CATSPERD: variants seen among roughly 807,000 people sequenced by gnomAD.
The protein encoded by CATSPERD is cation channel sperm-associated auxiliary subunit delta.
A neutral mutation model predicts 98.1 loss-of-function variants in CATSPERD; 86 were observed. That is an observed-to-expected ratio of 0.88 (90% confidence interval 0.74 to 1.05). CATSPERD has a LOEUF of 1.05. CATSPERD is among the 50% of genes least tolerant of loss of function. The pLI is 0.00. For synonymous variants in CATSPERD, 394 were observed against 390.2 expected (o/e 1.01, Z -0.12); for missense variants, 995 against 1,005.7 (o/e 0.99, Z 0.14).
In CATSPERD at chr19:5,742,547, C is replaced by T. The variant is rs374748101; in HGVS notation, c.574-1880C>T. Among the ~76,000 whole-genome samples the T allele has an allele frequency of 1.7e-4, 26 of 151,906 alleles. No homozygotes were observed. The East Asian group carries it at 3.9e-3, about 23-fold the overall frequency. On this transcript the variant is annotated intron_variant, in intron 7 of 21. Coordinates refer to ENST00000381624, the MANE Select transcript of CATSPERD (RefSeq NM_152784.4). ...CTGTAATCCCAGCACTTTGGGAGGC[C>T]GAGGAAGGAGGATCACTTGAGCTCA... is the stretch of plus-strand genomic sequence containing the variant.
intron 3 of CATSPERD, 104 bp from the exon 4 acceptor site, chr19:5,729,768 A>C: frequency 1.5e-6 from 1 of 660,718 alleles, no homozygotes; most frequent in Non-Finnish European, 2.6e-6. Context: ...CCTGGTTACA[A>C]TACAAATTTT....
chr19:5,768,164 G>C lies in CATSPERD; in HGVS notation c.1560-4G>C, dbSNP rs780850389. The C allele has an allele frequency of 4.7e-5, 75 of 1,612,544 alleles. No homozygotes were observed. The highest frequency in any genetic ancestry group is 6.1e-5 in the Non-Finnish European group (72 of 1,179,112). On this transcript the variant is annotated splice_region_variant and splice_polypyrimidine_tract_variant and intron_variant, in intron 17 of 21. Coordinates refer to ENST00000381624, the MANE Select transcript of CATSPERD (RefSeq NM_152784.4). The stretch of plus-strand genomic sequence containing the variant: ...CATTGCTCAATGTCCACTTTTGCTT[G>C]CAGCAAAGTTTCCGCCTGTTCCATG...
intron 2 of CATSPERD, among the ~76,000 whole-genome samples, 160 bp from the exon 3 acceptor site, chr19:5,727,108 T>C (rs192954673): frequency 3.9e-5 from 6 of 152,162 alleles, no homozygotes; most frequent in African/African-American, 1.4e-4. Flanking sequence ...GGCAGGAGAA[T>C]GGTGTGAACC....
intron 18 of CATSPERD, among the ~76,000 whole-genome samples, chr19:5,768,574 G>C (rs576745132): frequency 6.6e-6 from 1 of 151,972 alleles, no homozygotes; most frequent in South Asian, 2.1e-4. Flanking sequence ...CTGATCTCGT[G>C]ATCCGCCCAC....
chr19:5,759,120 G>A lies in CATSPERD; in HGVS notation c.1403G>A (p.Arg468Lys). The change falls in exon 15 of 22, where the codon AGG becomes AAG. Residue 468 changes from arginine (R) to lysine (K), a missense_variant. By Grantham distance (26) the Arg-to-Lys change is conservative. Transcript: ENST00000381624. Reference sequence around the variant, plus strand: ...CTAAAACAGCAGCAGCACTGGGGCAGGACCGACTCCAACTTCACTTCCAGG... The same window carrying A: ...CTAAAACAGCAGCAGCACTGGGGCAAGACCGACTCCAACTTCACTTCCAGG... ...IFLKQQQHWG[R>K]TDSNFTSSLK... 1 of 1,613,922 alleles carries A rather than the reference G, an allele frequency of 6.2e-7. No homozygotes were observed.
At chr19:5,738,742 C>G (rs909597386) in intron 6 of CATSPERD, among the ~76,000 whole-genome samples, 1 of 152,056 alleles carries the variant, frequency 6.6e-6, no homozygotes, top group African/African-American at 2.4e-5. Context: ...CAGCACCACG[C>G]CTGGCTAATT....
At chr19:5,761,772 G>A (rs1226124216) in intron 15 of CATSPERD, among the ~76,000 whole-genome samples, 2 of 150,010 alleles carry the variant, frequency 1.3e-5, no homozygotes, top group Admixed American at 6.7e-5. Context: ...GCACGATCTC[G>A]GCTCACTGCA....
In CATSPERD at chr19:5,778,502, C is replaced by A. The variant is rs1365148387; in HGVS notation, c.2223C>A (p.Tyr741Ter). 1 of 1,613,934 alleles carries A rather than the reference C, an allele frequency of 6.2e-7. No individual in the cohort carries two copies. Among genetic ancestry groups the A allele is most frequent in the African/African-American group, 1.3e-5 (1 of 74,922 alleles). The stretch of plus-strand genomic sequence containing the variant: ...TCCTGGGGTCCGTTTGGCTGGCCTA[C>A]AAGACCCCCAAGCTGCTACGCACAG... ...SSILGSVWLA[Y>*]KTPKLLRTAR... is the part of the protein sequence containing the mutation. Residue 741 changes from tyrosine (Y) to a stop codon, truncating the protein, a stop_gained, in exon 22 of 22, where the codon TAC becomes TAA. Coordinates refer to ENST00000381624, the MANE Select transcript of CATSPERD (RefSeq NM_152784.4). LOFTEE classifies it low-confidence loss of function (END_TRUNC).
chr19:5,744,503 A>G lies in CATSPERD; in HGVS notation c.650A>G (p.Gln217Arg), dbSNP rs1269334124. 2 of 1,611,270 alleles carry G rather than the reference A, an allele frequency of 1.2e-6. No individual in the cohort carries two copies. Among genetic ancestry groups the G allele is most frequent in the Non-Finnish European group, 1.7e-6 (2 of 1,178,132 alleles). The change falls in exon 8 of 22, where the codon CAA becomes CGA. Residue 217 changes from glutamine to arginine, a missense_variant. This residue lies in a region of CATSPERD where 762 missense variants were observed against 773.7 expected (regional missense o/e 0.98). Transcript: ENST00000381624. ...CAGGTTGCGATGCTTGTAGTGAATCAAGGGAAGGTAAGTAACTGCAGAGGG... is the reference window on the plus strand; with the variant it reads ...CAGGTTGCGATGCTTGTAGTGAATCGAGGGAAGGTAAGTAACTGCAGAGGG... ...LSQVAMLVVN[Q>R]GKGMFKYSDH...
chr19:5,768,799 C>T lies in CATSPERD; in HGVS notation c.1634+557C>T, dbSNP rs1161220566. ...CCGGCTCAGTGAGCATGTACTGCCA[C>T]GCCCATACGAGAGTCTGGGCCTCAG... On this transcript the variant is annotated intron_variant, in intron 18 of 21. Coordinates refer to ENST00000381624, the MANE Select transcript of CATSPERD (RefSeq NM_152784.4). 4.6e-5 allele frequency among the ~76,000 whole-genome samples: 7 copies of T among 152,182 alleles called. No homozygotes were observed. In the South Asian group the frequency reaches 8.3e-4, roughly 18 times the overall value.
intron 20 of CATSPERD, among the ~76,000 whole-genome samples, chr19:5,773,529 T>C (rs1429081707): frequency 1.3e-5 from 2 of 152,054 alleles, no homozygotes. Context: ...ATCTGTTTTA[T>C]TTTTATTTCT....
chr19:5,757,442 C>T (rs944954364), intron 13 of CATSPERD, among the ~76,000 whole-genome samples: 1 of 151,118 alleles, frequency 6.6e-6, no homozygotes, highest in African/African-American at 2.4e-5. Flanking sequence ...GGATTACAGG[C>T]ATGCACCACC....
In CATSPERD at chr19:5,733,942, T is replaced by C. The variant is rs375534780; in HGVS notation, c.363T>C (p.Tyr121=). ...ATCAAAAAGTCTATATTTATGATTA[T>C]GAAAATAATTCTTGGAGCATGTCTT... ...VVDQKVYIYD[Y]ENNSWSMSLG... The change falls in exon 5 of 22, where the codon TAT becomes TAC. Residue 121 remains tyrosine (Y), a synonymous_variant. Coordinates refer to ENST00000381624, the MANE Select transcript of CATSPERD (RefSeq NM_152784.4). 1.1e-5 allele frequency: 18 copies of C among 1,606,224 alleles called. No individual in the cohort carries two copies. Among genetic ancestry groups the C allele is most frequent in the Admixed American group, 6.8e-5 (4 of 58,518 alleles).
At chr19:5,724,695 T>C in intron 1 of CATSPERD, 113 bp from the exon 2 acceptor site, 2 of 1,067,832 alleles carry the variant, frequency 1.9e-6, no homozygotes, top group Non-Finnish European at 2.9e-6. Context: ...TGAGACTCCG[T>C]CCCCCCCAAA....
intron 1 of CATSPERD, among the ~76,000 whole-genome samples, chr19:5,721,815 C>G (rs1423369665): frequency 6.6e-6 from 1 of 151,908 alleles, no homozygotes; most frequent in East Asian, 1.9e-4. Context: ...ATGATGAAAC[C>G]TCGTCTCTAC....
At chr19:5,746,436 C>CTT (rs11392230) in intron 9 of CATSPERD, among the ~76,000 whole-genome samples, 20 of 149,930 alleles carry the variant, frequency 1.3e-4, no homozygotes, top group Non-Finnish European at 1.5e-4. Flanking sequence ...ATTTCTTTCT[C>CTT]TTTTTTTTTT....
intron 8 of CATSPERD, among the ~76,000 whole-genome samples, chr19:5,744,742 GGGCT>G: frequency 6.6e-6 from 1 of 151,610 alleles, no homozygotes; most frequent in Non-Finnish European, 1.5e-5. Flanking sequence ...CTGGGACTAT[GGGCT>G]CGTGCCACCG....
At chr19:5,777,570 G>A (rs910230790) in intron 21 of CATSPERD, among the ~76,000 whole-genome samples, 2 of 152,218 alleles carry the variant, frequency 1.3e-5, no homozygotes, top group African/African-American at 4.8e-5. Context: ...AGGGCATGGA[G>A]AGGATGGCTG....
chr19:5,774,179 G>A (rs2144694174), intron 20 of CATSPERD, among the ~76,000 whole-genome samples: 1 of 151,660 alleles, frequency 6.6e-6, no homozygotes, highest in South Asian at 2.1e-4. Flanking sequence ...TGTTGCCCAG[G>A]CTGGTCTTGA....
Sources: allele counts gnomAD v4.1 joint callset (sites outside exome capture counted in the v4.1 genomes callset), GRCh38; gene constraint gnomAD v4.1.1; regional missense constraint gnomAD v4.1.1; transcripts MANE v1.5; gene names NCBI Gene and HGNC (gene_info 2026-07-23, HGNC 2026-07-21).